Variants in KCNC4 observed in about 807,000 individuals in gnomAD.
KCNC4 encodes potassium voltage-gated channel subfamily C member 4, also known as voltage-gated potassium channel KCNC4.
A neutral mutation model predicts 42.8 loss-of-function variants in KCNC4; 23 were observed. The observed-to-expected ratio is 0.54, with a 90% confidence interval of 0.39 to 0.76. The LOEUF (loss-of-function observed/expected upper bound fraction) is 0.76, where lower values mean the gene tolerates loss of function less well. Among genes scored for constraint, KCNC4 ranks in the 30% least tolerant of loss-of-function variants. The pLI is 0.00. For missense variants in KCNC4, 751 were observed against 898.2 expected, an observed-to-expected ratio of 0.84 and a Z score of 2.10; for synonymous variants, 422 against 393.5, an observed-to-expected ratio of 1.07 and a Z score of -0.86.
exon 4 of KCNC4, chr1:110,240,184 C>T (rs1658999988): frequency 6.6e-6 from 1 of 152,214 alleles, no homozygotes. Context: ...CCCACTCCTT[C>T]CAGTCTTCCT....
chr1:110,250,053 G>A (rs1557870436), downstream of KCNC4, among the ~76,000 whole-genome samples: 1 of 152,202 alleles, frequency 6.6e-6, no homozygotes, highest in Non-Finnish European at 1.5e-5. Context: ...ACCTTAGCAA[G>A]AATTAGTCTC....
chr1:110,232,122 G>A, intron 3 of KCNC4: 1 of 1,158,748 alleles, frequency 8.6e-7, no homozygotes, highest in Non-Finnish European at 1.2e-6. Flanking sequence ...AGGCCCAGGT[G>A]GTAGACATCC....
At chr1:110,229,159 GTC>G in intron 3 of KCNC4, 1 of 152,382 alleles carries the variant, frequency 6.6e-6, no homozygotes, top group South Asian at 2.1e-4. Flanking sequence ...CTGTCTGTCT[GTC>G]TGTCTGTCCA....
In KCNC4 at chr1:110,210,390, C is replaced by A. The variant is rs1289056342; in HGVS notation, c.-1110C>A. On this transcript the variant is annotated 5_prime_UTR_variant, in exon 1 of 4. Coordinates refer to ENST00000438661, the MANE Select transcript of KCNC4 (RefSeq NM_001039574.3). ...GGGCCCCAGCCCACCGGCGCCGAGG[C>A]GCCCCCTCCCCTATGCCACCTCGCG... Among the ~76,000 whole-genome samples the A allele has an allele frequency of 6.6e-6, 1 of 151,636 alleles. No individual in the cohort carries two copies. The highest frequency in any genetic ancestry group is 1.9e-4 in the East Asian group (1 of 5,162).
downstream of KCNC4, chr1:110,237,399 C>T (rs1658929477): frequency 6.6e-6 from 1 of 152,156 alleles, no homozygotes; most frequent in Non-Finnish European, 1.5e-5. Context: ...CACTTTCCTC[C>T]CCAGAGGTGA....
At chr1:110,271,801 C>T (rs973445097) in intron 1 of KCNC4, among the ~76,000 whole-genome samples, 3 of 152,096 alleles carry the variant, frequency 2.0e-5, no homozygotes, top group African/African-American at 4.8e-5. Context: ...CTGTCCCCAT[C>T]GCATGCTTTG....
chr1:110,231,769 G>T (rs1005022646), intron 3 of KCNC4, among the ~76,000 whole-genome samples: 21 of 152,212 alleles, frequency 1.4e-4, no homozygotes, highest in Non-Finnish European at 2.9e-4. Context: ...AGTACTCAGA[G>T]GCCCAGAACA....
intron 1 of KCNC4, among the ~76,000 whole-genome samples, chr1:110,216,204 G>A (rs1246499897): frequency 1.3e-5 from 2 of 152,238 alleles, no homozygotes; most frequent in African/African-American, 4.8e-5. Context: ...TTGCCTGGGG[G>A]ACAGGTCAGT....
At chr1:110,253,807 G>A (rs1313022113), downstream of KCNC4, among the ~76,000 whole-genome samples, 1 of 152,196 alleles carries the variant, frequency 6.6e-6, no homozygotes, top group Non-Finnish European at 1.5e-5. Context: ...GAGGGCAGGG[G>A]TGGTGAAAGC....
chr1:110,250,042 C>T (rs1378966271), downstream of KCNC4, among the ~76,000 whole-genome samples: 1 of 152,222 alleles, frequency 6.6e-6, no homozygotes, highest in East Asian at 1.9e-4. Context: ...TAAAAATTAA[C>T]ACCTTAGCAA....
chr1:110,219,446 G>A (rs1657975162), intron 1 of KCNC4, among the ~76,000 whole-genome samples: 1 of 152,196 alleles, frequency 6.6e-6, no homozygotes, highest in Non-Finnish European at 1.5e-5. Flanking sequence ...GAGTGGCAGG[G>A]CCAGGATGAG....
chr1:110,227,696 G>A (rs1180584090), intron 3 of KCNC4, among the ~76,000 whole-genome samples: 2 of 152,206 alleles, frequency 1.3e-5, no homozygotes, highest in Non-Finnish European at 2.9e-5. Flanking sequence ...TCTAGAACGA[G>A]TGGTCCCTGT....
rs1425707730 is a variant in KCNC4, at chr1:110,263,745, T to G, written n.31-18789T>G. 2.0e-5 allele frequency among the ~76,000 whole-genome samples: 3 copies of G among 151,836 alleles called. No homozygotes were observed. The South Asian group carries it at 6.2e-4, about 32-fold the overall frequency. ...AGTTCTTCCCGTGGGAAAGACTACT[T>G]TGGGGAACAAATTGAGGCCTGGAAG... On this transcript the variant is annotated intron_variant and non_coding_transcript_variant, in intron 1 of 2. Coordinates refer to the KCNC4 transcript ENST00000412512.
At chr1:110,257,205 C>G (rs984786890) in intron 1 of KCNC4, among the ~76,000 whole-genome samples, 2 of 152,146 alleles carry the variant, frequency 1.3e-5, no homozygotes, top group African/African-American at 4.8e-5. Context: ...TTCTAAAGCA[C>G]AGAGAATGGA....
At chr1:110,226,207 G>A in intron 3 of KCNC4, 29 bp downstream of exon 3, 2 of 1,605,258 alleles carry the variant, frequency 1.2e-6, no homozygotes. Flanking sequence ...GACAGGTGGG[G>A]AGCCCCCACA....
At chr1:110,212,623 C>T (rs939756182) in intron 1 of KCNC4, among the ~76,000 whole-genome samples, 1 of 152,160 alleles carries the variant, frequency 6.6e-6, no homozygotes, top group African/African-American at 2.4e-5. Context: ...TTGTTAGATG[C>T]TTCCATGCCG....
chr1:110,268,783 A>G lies in KCNC4; in HGVS notation n.31-13751A>G, dbSNP rs556786925. On this transcript the variant is annotated intron_variant and non_coding_transcript_variant, in intron 1 of 2. Coordinates refer to the KCNC4 transcript ENST00000412512. ...CGCTGTGTCACCCAGGCTGGAGTGCAGTGGCGCGATCTCGGCTCACTGCAA... is the reference window on the plus strand; with the variant it reads ...CGCTGTGTCACCCAGGCTGGAGTGCGGTGGCGCGATCTCGGCTCACTGCAA... Among the ~76,000 whole-genome samples the G allele has an allele frequency of 5.2e-4, 75 of 144,724 alleles. 2 individuals are homozygous for G. In the South Asian group the frequency reaches 0.016, roughly 30 times the overall value. 94.9% of individuals were successfully genotyped at this position (144,724 alleles called of 152,430 possible). A position where few individuals can be genotyped will look rare whatever the true frequency, so the allele number is the denominator to read the frequency against.
Position 110,233,164 on chromosome 1 carries a change from C to T in KCNC4, c.*192C>T. 1.6e-6 allele frequency: 1 copy of T among 636,688 alleles called. No individual in the cohort carries two copies. The highest frequency in any genetic ancestry group is 1.9e-5 in the South Asian group (1 of 52,084). 39.4% of individuals were successfully genotyped at this position (636,688 alleles called of 1,614,324 possible). A position where few individuals can be genotyped will look rare whatever the true frequency, so the allele number is the denominator to read the frequency against. Reference sequence around the variant, plus strand: ...GGGTCTGATGTTCTGTTCCATTGTACATCGAAGAGATATATATGCACATAT... The same window carrying T: ...GGGTCTGATGTTCTGTTCCATTGTATATCGAAGAGATATATATGCACATAT... On this transcript the variant is annotated 3_prime_UTR_variant, in exon 4 of 4. Coordinates refer to ENST00000438661, the MANE Select transcript of KCNC4 (RefSeq NM_001039574.3).
Position 110,233,045 on chromosome 1 carries a change from C to T in KCNC4, c.*73C>T. On this transcript the variant is annotated 3_prime_UTR_variant, in exon 4 of 4. Coordinates refer to ENST00000438661, the MANE Select transcript of KCNC4 (RefSeq NM_001039574.3). ...GCTTAGGGAAACTCTGGAACCCAGA[C>T]AAGAATCTTTTCGCTGGGAAAGACT... is the stretch of plus-strand genomic sequence containing the variant. The T allele has an allele frequency of 6.5e-7, 1 of 1,530,840 alleles. No individual in the cohort carries two copies. The highest frequency in any genetic ancestry group is 8.9e-7 in the Non-Finnish European group (1 of 1,127,030). The allele number at this position is 1,530,840 out of a possible 1,614,324, so 94.8% of individuals were successfully genotyped here.
Sources: gnomAD v4.1 joint callset for allele counts (sites outside exome capture counted in the v4.1 genomes callset) on GRCh38, gnomAD v4.1.1 for gene constraint, MANE v1.5 for transcripts, NCBI Gene and HGNC (gene_info 2026-07-23, HGNC 2026-07-21) for gene names.